SCLT1: variants seen among roughly 807,000 people sequenced by gnomAD.
SCLT1 encodes sodium channel and clathrin linker 1, also known as sodium channel-associated protein 1.
A neutral mutation model predicts 112.8 loss-of-function variants in SCLT1; 78 were observed. The ratio of observed to expected loss-of-function variants is 0.69; its 90% CI spans 0.58 to 0.83. The LOEUF (loss-of-function observed/expected upper bound fraction) is 0.83. SCLT1 is among the 40% of genes least tolerant of loss of function. The pLI, the probability that SCLT1 is intolerant of heterozygous loss-of-function variation, is 0.00. For synonymous variants in SCLT1, 257 were observed against 254.7 expected, an observed-to-expected ratio of 1.01 and a Z score of -0.09; for missense variants, 747 against 770.4, an observed-to-expected ratio of 0.97 and a Z score of 0.36.
At position 128,939,422 on chromosome 4, in the gene SCLT1, G is replaced by A. The variant is rs560216526; in HGVS notation, c.1633-2571C>T. Among the ~76,000 whole-genome samples, 4 of 152,272 alleles carry A rather than the reference G, an allele frequency of 2.6e-5. No homozygotes were observed. The South Asian group carries it at 8.3e-4, about 32-fold the overall frequency. On this transcript the variant is annotated intron_variant, in intron 17 of 20. Coordinates refer to ENST00000281142, the MANE Select transcript of SCLT1 (RefSeq NM_144643.4). ...TTCGAATTACTACCTAAATTGGACAGGTCTGTGGTAATGCTGACAGGCTAA... is the reference window on the plus strand; with the variant it reads ...TTCGAATTACTACCTAAATTGGACAAGTCTGTGGTAATGCTGACAGGCTAA...
intron 2 of SCLT1, among the ~76,000 whole-genome samples, chr4:129,081,663 C>T (rs1751949794): frequency 6.6e-6 from 1 of 152,222 alleles, no homozygotes; most frequent in Non-Finnish European, 1.5e-5. Context: ...ATCCACTCAC[C>T]TTCAACCAGG....
intron 18 of SCLT1, among the ~76,000 whole-genome samples, chr4:128,900,189 T>C (rs1478369509): frequency 1.3e-5 from 2 of 152,168 alleles, no homozygotes; most frequent in East Asian, 1.9e-4. Flanking sequence ...AAAGTTCATA[T>C]GGAACCAAAA....
chr4:128,874,954 C>T (rs1351531648), intron 4 of SCLT1: 1 of 149,620 alleles, frequency 6.7e-6, no homozygotes, highest in African/African-American at 2.5e-5. Context: ...TAACCTTGTA[C>T]AGAGGATTTT....
At chr4:129,018,778 T>G (rs1406198386) in intron 5 of SCLT1, among the ~76,000 whole-genome samples, 1 of 152,150 alleles carries the variant, frequency 6.6e-6, no homozygotes, top group Non-Finnish European at 1.5e-5. Context: ...ATTCCTTATT[T>G]TACTAACTCT....
At chr4:128,960,700 C>T (rs990276217) in intron 11 of SCLT1, among the ~76,000 whole-genome samples, 3 of 151,226 alleles carry the variant, frequency 2.0e-5, no homozygotes, top group African/African-American at 7.3e-5. Context: ...GCGGGTGGAT[C>T]ATGAGGTCAG....
At position 128,997,909 on chromosome 4, in the gene SCLT1, T is replaced by C; in HGVS notation, c.580A>G (p.Lys194Glu). ...DQLFDFQQLT[K>E]QLHVTNENME... Reference sequence around the variant, plus strand: ...TTCTCATTAGTAACATGAAGTTGTTTGGTCAGTTGTTGAAAATCAAATAGC... The same window carrying C: ...TTCTCATTAGTAACATGAAGTTGTTCGGTCAGTTGTTGAAAATCAAATAGC... Residue 194 changes from lysine (K) to glutamate (E), a missense_variant, in exon 8 of 21, where the codon AAA becomes GAA. By Grantham distance (56) the Lys-to-Glu change is moderately conservative (BLOSUM62 1). Coordinates refer to ENST00000281142, the MANE Select transcript of SCLT1 (RefSeq NM_144643.4). The C allele has an allele frequency of 6.6e-7, 1 of 1,517,112 alleles. No individual in the cohort carries two copies. Among genetic ancestry groups the C allele is most frequent in the East Asian group, 2.4e-5 (1 of 40,848 alleles). 94.0% of individuals were successfully genotyped at this position (1,517,112 alleles called of 1,614,324 possible). A position where few individuals can be genotyped will look rare whatever the true frequency, so the allele number is the denominator to read the frequency against.
intron 18 of SCLT1, among the ~76,000 whole-genome samples, chr4:128,927,749 A>G (rs926419157): frequency 5.3e-5 from 8 of 152,060 alleles, no homozygotes; most frequent in Admixed American, 5.2e-4. Flanking sequence ...GCAACATGAA[A>G]GAAAGGAGAG....
intron 5 of SCLT1, among the ~76,000 whole-genome samples, chr4:129,005,948 C>T (rs954606054): frequency 2.1e-5 from 3 of 145,142 alleles, no homozygotes; most frequent in African/African-American, 5.1e-5. Context: ...TTCTCACTCA[C>T]AGATGGGAAC....
chr4:128,931,185 T>G (rs1560854569), intron 18 of SCLT1, among the ~76,000 whole-genome samples: 1 of 151,978 alleles, frequency 6.6e-6, no homozygotes, highest in Non-Finnish European at 1.5e-5. Context: ...AATTGTAATT[T>G]TTTTTTTCTC....
chr4:129,050,153 G>A (rs1748635670), intron 2 of SCLT1, among the ~76,000 whole-genome samples: 1 of 152,092 alleles, frequency 6.6e-6, no homozygotes. Flanking sequence ...TAGGCATTTG[G>A]GTTGGTTCCA....
rs756638839 is a variant in SCLT1 at position 128,970,360 on chromosome 4, C to T, written c.777+18G>A. On this transcript the variant is annotated intron_variant, in intron 10 of 20. Coordinates refer to ENST00000281142, the MANE Select transcript of SCLT1 (RefSeq NM_144643.4). ...AACTAAGCAATAGGTACCCATTTGT[C>T]TTAGAAATAGAAAATACCTTCTTTT... The T allele has an allele frequency of 6.4e-6, 9 of 1,400,658 alleles. No individual in the cohort carries two copies. The highest frequency in any genetic ancestry group is 1.4e-5 in the African/African-American group (1 of 70,784). The allele number at this position is 1,400,658 out of a possible 1,614,324, so 86.8% of individuals were successfully genotyped here.
At chr4:129,023,990 G>T (rs1322173228) in intron 5 of SCLT1, among the ~76,000 whole-genome samples, 1 of 152,230 alleles carries the variant, frequency 6.6e-6, no homozygotes, top group Non-Finnish European at 1.5e-5. Flanking sequence ...CTGGGGGAGG[G>T]GCGCCCGCCA....
chr4:128,909,844 A>G (rs1734956924), intron 18 of SCLT1, among the ~76,000 whole-genome samples: 1 of 152,250 alleles, frequency 6.6e-6, no homozygotes, highest in African/African-American at 2.4e-5. Flanking sequence ...GGCAGACTGC[A>G]GATAAAATAT....
intron 1 of SCLT1, among the ~76,000 whole-genome samples, chr4:129,087,493 A>T (rs2125784102): frequency 6.6e-6 from 1 of 152,008 alleles, no homozygotes; most frequent in East Asian, 1.9e-4. Flanking sequence ...AGGAAAAAAA[A>T]AAAGGCACTT....
chr4:128,997,521 T>C (rs1276968130), intron 8 of SCLT1, among the ~76,000 whole-genome samples: 1 of 151,864 alleles, frequency 6.6e-6, no homozygotes, highest in Non-Finnish European at 1.5e-5. Context: ...AATGGGCTAT[T>C]AATTCATTAA....
At chr4:128,994,561 A>C (rs192011143) in intron 8 of SCLT1, among the ~76,000 whole-genome samples, 1 of 152,186 alleles carries the variant, frequency 6.6e-6, no homozygotes, top group Admixed American at 6.6e-5. Flanking sequence ...TATGGTAGTT[A>C]TATTTTTATT....
chr4:129,024,619 G>A (rs1745841555), intron 5 of SCLT1, among the ~76,000 whole-genome samples: 3 of 152,160 alleles, frequency 2.0e-5, no homozygotes, highest in Admixed American at 2.0e-4. Flanking sequence ...CAGAACAACT[G>A]GAAACTCTAA....
intron 1 of SCLT1, among the ~76,000 whole-genome samples, chr4:129,084,440 AAT>A (rs1318313283): frequency 2.0e-5 from 3 of 152,314 alleles, no homozygotes; most frequent in South Asian, 2.1e-4. Flanking sequence ...CATAAAAAAA[AAT>A]AAATGCCCAG....
intron 11 of SCLT1, among the ~76,000 whole-genome samples, chr4:128,960,371 A>G (rs1433760985): frequency 6.6e-6 from 1 of 152,174 alleles, no homozygotes; most frequent in Non-Finnish European, 1.5e-5. Context: ...AATAAAAATC[A>G]TAGTATACAC....
Sources: allele counts gnomAD v4.1 joint callset (sites outside exome capture counted in the v4.1 genomes callset), GRCh38; gene constraint gnomAD v4.1.1; transcripts MANE v1.5; gene names NCBI Gene and HGNC (gene_info 2026-07-23, HGNC 2026-07-21).